The following ZNF708 variants were observed in gnomAD, a reference collection of about 807,000 sequenced individuals.
ZNF708 encodes the protein zinc finger protein 708.
A neutral mutation model predicts 47.0 loss-of-function variants in ZNF708; 44 were observed. That is an observed-to-expected ratio of 0.94 (90% CI 0.74 to 1.20). The LOEUF is 1.20. Ranked by LOEUF, ZNF708 falls within the 50% of genes most tolerant of loss-of-function variation. The pLI is 0.00. For synonymous variants in ZNF708, 184 were observed against 218.5 expected, an observed-to-expected ratio of 0.84 and a Z score of 1.39; for missense variants, 557 against 656.0, an observed-to-expected ratio of 0.85 and a Z score of 1.65.
In ZNF708 at chr19:21,329,173, C is replaced by A. The variant is rs2968051; in HGVS notation, c.3+37G>T. 9.9e-6 allele frequency: 16 copies of A among 1,611,466 alleles called. No individual in the cohort carries two copies. In the African/African-American group the frequency reaches 2.0e-4, roughly 20 times the overall value. On this transcript the variant is annotated intron_variant, in intron 1 of 3. Transcript: ENST00000356929. Reference sequence around the variant, plus strand: ...CCACTTCCCACAGGTTTCAACCAGCCCTTCCCCTCTCTCGGGATGTCGGAC... The same window carrying A: ...CCACTTCCCACAGGTTTCAACCAGCACTTCCCCTCTCTCGGGATGTCGGAC...
Position 21,294,409 on chromosome 19 carries a change from T to C in ZNF708, c.557A>G (p.His186Arg), listed in dbSNP as rs970659440. ...SFCMLSQLTQ[H>R]EIIHTGEKPY... ...TTTTTCTCCAGTATGAATTATCTCATGTTGAGTTAGTTGTGAAAGCATGCA... is the reference window on the plus strand; with the variant it reads ...TTTTTCTCCAGTATGAATTATCTCACGTTGAGTTAGTTGTGAAAGCATGCA... The change falls in exon 4 of 4, where the codon CAT (histidine) becomes CGT (arginine). Residue 186 changes from histidine (H) to arginine (R), a missense_variant. His to Arg is a conservative substitution (Grantham distance 29). Coordinates refer to ENST00000356929, the MANE Select transcript of ZNF708 (RefSeq NM_021269.3). 6.2e-7 allele frequency: 1 copy of C among 1,614,174 alleles called. No homozygotes were observed. The highest frequency in any genetic ancestry group is 8.5e-7 in the Non-Finnish European group (1 of 1,179,994).
At chr19:21,316,210 C>T (rs1369021457) in intron 1 of ZNF708, among the ~76,000 whole-genome samples, 3 of 147,986 alleles carry the variant, frequency 2.0e-5, no homozygotes, top group African/African-American at 5.0e-5. Flanking sequence ...CTCAGCTCAC[C>T]GCAACTTCCT....
chr19:21,312,357 G>A (rs1176810626), intron 1 of ZNF708, among the ~76,000 whole-genome samples: 2 of 151,996 alleles, frequency 1.3e-5, no homozygotes, highest in African/African-American at 4.8e-5. Context: ...CAGCTACTTG[G>A]GAGGCTGACT....
rs74561638 is a variant in ZNF708 at position 21,308,468 on chromosome 19, G to A, written c.226+778C>T. Among the ~76,000 whole-genome samples, 6 of 152,064 alleles carry A rather than the reference G, an allele frequency of 3.9e-5. No individual in the cohort carries two copies. The East Asian group carries it at 5.8e-4, about 15-fold the overall frequency. ...CTAATTTTGTATTTTTAGTGGACAC[G>A]GTATTTCACCATGTTGTTCAGGCTG... On this transcript the variant is annotated intron_variant, in intron 3 of 3. Transcript: ENST00000356929.
intron 2 of ZNF708, among the ~76,000 whole-genome samples, chr19:21,310,184 C>T (rs1972867101): frequency 6.6e-6 from 1 of 151,972 alleles, no homozygotes; most frequent in Admixed American, 6.6e-5. Flanking sequence ...AGGTGGCTCA[C>T]GCCTGTAATC....
chr19:21,293,220 T>C lies in ZNF708; in HGVS notation c.*54A>G. On this transcript the variant is annotated 3_prime_UTR_variant, in exon 4 of 4. Transcript: ENST00000356929. ...ACATTTGTAGGATTTCTCTCCAGTA[T>C]GAATTATCTTGTGTTTTAATAAAAG... 6.4e-7 allele frequency: 1 copy of C among 1,556,232 alleles called. No homozygotes were observed. The highest frequency in any genetic ancestry group is 8.7e-7 in the Non-Finnish European group (1 of 1,144,504).
rs936951723 is a variant in ZNF708 at position 21,296,230 on chromosome 19, G to A, written c.227-1491C>T. Among the ~76,000 whole-genome samples the A allele has an allele frequency of 3.3e-5, 5 of 152,228 alleles. No individual in the cohort carries two copies. The South Asian group carries it at 8.3e-4, about 25-fold the overall frequency. The stretch of plus-strand genomic sequence containing the variant: ...AAGTAAAAAGAAGTGGCCGGGCACA[G>A]TGGCTCGTGCCTGTAATCCCAGCAC... On this transcript the variant is annotated intron_variant, in intron 3 of 3. Coordinates refer to ENST00000356929, the MANE Select transcript of ZNF708 (RefSeq NM_021269.3).
chr19:21,321,156 GAAAA>G (rs1973125971), intron 1 of ZNF708, among the ~76,000 whole-genome samples: 1 of 151,762 alleles, frequency 6.6e-6, no homozygotes, highest in Admixed American at 6.6e-5. Context: ...GAAAAGAAAA[GAAAA>G]GAAAAGAAAA....
rs57926804 is a variant in ZNF708 at position 21,319,450 on chromosome 19, G to GTT, written c.4-8825_4-8824dup. Among the ~76,000 whole-genome samples, 422 of 147,720 alleles carry GTT rather than the reference G, an allele frequency of 2.9e-3. 1 individual carries two copies. The highest frequency in any genetic ancestry group is 3.5e-3 in the Middle Eastern group (1 of 284). The stretch of plus-strand genomic sequence containing the variant: ...CAATTTGTGTGTGCTCCTAATATGA[G>GTT]TTTTTTTTTTTTAATTTTTTGAGAT... On this transcript the variant is annotated intron_variant, in intron 1 of 3. Coordinates refer to ENST00000356929, the MANE Select transcript of ZNF708 (RefSeq NM_021269.3).
chr19:21,309,360 A>G lies in ZNF708; in HGVS notation c.131-19T>C, dbSNP rs1364729495. The stretch of plus-strand genomic sequence containing the variant: ...GCAATACCTGTTTTATTAAAAATAA[A>G]TAACGTGAATCTTGCTCATATTCTC... On this transcript the variant is annotated intron_variant, in intron 2 of 3. Coordinates refer to ENST00000356929, the MANE Select transcript of ZNF708 (RefSeq NM_021269.3). 2.6e-6 allele frequency: 4 copies of G among 1,554,294 alleles called. No individual in the cohort carries two copies. Among genetic ancestry groups the G allele is most frequent in the Non-Finnish European group, 2.6e-6 (3 of 1,149,172 alleles).
Position 21,294,681 on chromosome 19 carries a change from G to A in ZNF708, c.285C>T (p.Phe95=). The change falls in exon 4 of 4, where the codon TTC becomes TTT. Residue 95 remains phenylalanine (F), a synonymous_variant. Coordinates refer to ENST00000356929, the MANE Select transcript of ZNF708 (RefSeq NM_021269.3). ...CATATCTTCTCAGTATCACTTGTTG[G>A]AAAGAATTTTTTATATATTGCTCTG... ...LRPEQYIKNS[F]QQVILRRYGK... is the part of the protein sequence containing the mutation. 1 of 1,613,606 alleles carries A rather than the reference G, an allele frequency of 6.2e-7. No homozygotes were observed. The highest frequency in any genetic ancestry group is 8.5e-7 in the Non-Finnish European group (1 of 1,179,810).
rs762843584 is a variant in ZNF708 at position 21,293,292 on chromosome 19, T to A, written c.1674A>T (p.Lys558Asn). 6 of 1,607,198 alleles carry A rather than the reference T, an allele frequency of 3.7e-6. No homozygotes were observed. Among genetic ancestry groups the A allele is most frequent in the Non-Finnish European group, 4.2e-6 (5 of 1,177,604 alleles). Residue 558 changes from lysine to asparagine, a missense_variant, in exon 4 of 4, where the codon AAA becomes AAT. Transcript: ENST00000356929. Reference sequence around the variant, plus strand: ...TGACACATTATTTACATTTGTAGGGTTTCTCTTTGGTATGAATTCTCTTAT... The same window carrying A: ...TGACACATTATTTACATTTGTAGGGATTCTCTTTGGTATGAATTCTCTTAT... ...TKHKRIHTKE[K>N]PYKCK
intron 3 of ZNF708, among the ~76,000 whole-genome samples, chr19:21,301,814 C>T (rs1723154787): frequency 6.8e-6 from 1 of 146,392 alleles, no homozygotes; most frequent in Non-Finnish European, 1.5e-5. Context: ...AAAAGAAAAA[C>T]CTAAGAACTT....
At chr19:21,325,549 T>G (rs770869641) in intron 1 of ZNF708, among the ~76,000 whole-genome samples, 5 of 152,190 alleles carry the variant, frequency 3.3e-5, no homozygotes, top group Non-Finnish European at 5.9e-5. Context: ...ATCTCTCATC[T>G]TATACAAAAA....
In ZNF708 at chr19:21,293,095, C is replaced by A; in HGVS notation, c.*179G>T. On this transcript the variant is annotated 3_prime_UTR_variant, in exon 4 of 4. Transcript: ENST00000356929. Reference sequence around the variant, plus strand: ...GTAAGATTTAGGGACCAGTTAAATGCTTTGCCACATTCTTTACATTTGTAG... The same window carrying A: ...GTAAGATTTAGGGACCAGTTAAATGATTTGCCACATTCTTTACATTTGTAG... 3 of 881,958 alleles carry A rather than the reference C, an allele frequency of 3.4e-6. No individual in the cohort carries two copies. The highest frequency in any genetic ancestry group is 1.8e-6 in the Non-Finnish European group (1 of 569,236). 54.6% of individuals were successfully genotyped at this position (881,958 alleles called of 1,614,324 possible).
At chr19:21,306,661 T>C (rs1214381542) in intron 3 of ZNF708, among the ~76,000 whole-genome samples, 8 of 152,130 alleles carry the variant, frequency 5.3e-5, no homozygotes, top group Non-Finnish European at 1.2e-4. Flanking sequence ...GTTACAAATA[T>C]TGGCCGGGCA....
In ZNF708 at chr19:21,293,140, T is replaced by G. The variant is rs143269680; in HGVS notation, c.*134A>C. 6.2e-4 allele frequency: 696 copies of G among 1,119,744 alleles called. 1 individual carries two copies. In the African/African-American group the frequency reaches 9.2e-3, roughly 15 times the overall value. The allele number at this position is 1,119,744 out of a possible 1,614,324, so 69.4% of individuals were successfully genotyped here. ...TTGTAGGGTTTCTCTCTAGTATGAA[T>G]TATCTTTTGTTTCATAAGGATTAAG... On this transcript the variant is annotated 3_prime_UTR_variant, in exon 4 of 4. Coordinates refer to ENST00000356929, the MANE Select transcript of ZNF708 (RefSeq NM_021269.3).
At position 21,294,020 on chromosome 19, in the gene ZNF708, C is replaced by T. The variant is rs1972466700; in HGVS notation, c.946G>A (p.Ala316Thr). Residue 316 changes from alanine to threonine, a missense_variant, in exon 4 of 4, where the codon GCC becomes ACC. Physicochemically the swap from Ala to Thr is moderately conservative, Grantham distance 58. Coordinates refer to ENST00000356929, the MANE Select transcript of ZNF708 (RefSeq NM_021269.3). The part of the protein sequence containing the change: ...KPYKCGECGK[A>T]FTLSSHLTTH... ...GTAAGGTGTGAAGATAGGGTAAAGG[C>T]TTTGCCACATTCTCCACATTTGTAG... is the stretch of plus-strand genomic sequence containing the variant. 6.2e-7 allele frequency: 1 copy of T among 1,612,778 alleles called. No homozygotes were observed.
In ZNF708 at chr19:21,306,277, T is replaced by C. The variant is rs115695295; in HGVS notation, c.226+2969A>G. On this transcript the variant is annotated intron_variant, in intron 3 of 3. Coordinates refer to ENST00000356929, the MANE Select transcript of ZNF708 (RefSeq NM_021269.3). ...TCTGCACATCAAAACAAAAATTCAA[T>C]AGACAATGCCTCCTAGAAAATGGGT... is the stretch of plus-strand genomic sequence containing the variant. Among the ~76,000 whole-genome samples, 445 of 151,200 alleles carry C rather than the reference T, an allele frequency of 2.9e-3. 3 individuals are homozygous for C. The highest frequency in any genetic ancestry group is 0.01 in the African/African-American group (414 of 41,246).
Sources: allele counts gnomAD v4.1 joint callset (sites outside exome capture counted in the v4.1 genomes callset), GRCh38; gene constraint gnomAD v4.1.1; transcripts MANE v1.5; gene names NCBI Gene and HGNC (gene_info 2026-07-23, HGNC 2026-07-21).